Variants in ANKS1B observed in about 807,000 individuals in gnomAD.
The protein encoded by ANKS1B is ankyrin repeat and sterile alpha motif domain containing 1B.
Under a neutral mutation model 148.3 loss-of-function variants are expected in ANKS1B, and 36 were observed. The ratio of observed to expected loss-of-function variants is 0.24; its 90% confidence interval spans 0.19 to 0.32. The LOEUF is 0.32. ANKS1B is among the 10% of genes least tolerant of loss of function. The pLI, the probability that ANKS1B is intolerant of heterozygous loss-of-function variation, is 1.00. For synonymous variants in ANKS1B, 542 were observed against 560.8 expected (o/e 0.97, Z 0.47); for missense variants, 1,157 against 1,542.6 (o/e 0.75, Z 4.19).
chr12:99,563,140 CAA>C (rs1227224423), intron 9 of ANKS1B, among the ~76,000 whole-genome samples: 1 of 152,098 alleles, frequency 6.6e-6, no homozygotes, highest in Non-Finnish European at 1.5e-5. Context: ...ACCAGGAGAC[CAA>C]AACTTTATTC....
intron 11 of ANKS1B, among the ~76,000 whole-genome samples, chr12:99,430,839 G>T (rs74667305): frequency 3.9e-5 from 6 of 152,288 alleles, no homozygotes; most frequent in East Asian, 3.9e-4. Context: ...AGCATATTCA[G>T]TAACATATCT....
At chr12:98,783,812 G>C (rs2098761578) in intron 22 of ANKS1B, among the ~76,000 whole-genome samples, 2 of 152,172 alleles carry the variant, frequency 1.3e-5, no homozygotes, top group African/African-American at 4.8e-5. Flanking sequence ...TCACTAGAGA[G>C]TGACACAATC....
rs1253926113 is a variant in ANKS1B, at chr12:99,403,356, C to T, written c.1576-3545G>A. Among the ~76,000 whole-genome samples, 3 of 142,422 alleles carry T rather than the reference C, an allele frequency of 2.1e-5. 1 individual carries two copies. Among genetic ancestry groups the T allele is most frequent in the Non-Finnish European group, 4.6e-5 (3 of 65,126 alleles). 93.4% of individuals were successfully genotyped at this position (142,422 alleles called of 152,430 possible). A position where few individuals can be genotyped will look rare whatever the true frequency, so the allele number is the denominator to read the frequency against. ...CTTTTTAGTAGAGACGGGGTTTTGC[C>T]GTGTTGGTCAGGCTGGTCTTGAACT... is the stretch of plus-strand genomic sequence containing the variant. On this transcript the variant is annotated intron_variant, in intron 11 of 26. Coordinates refer to ENST00000683438, the MANE Select transcript of ANKS1B (RefSeq NM_001352186.2).
chr12:99,798,423 T>TA (rs61020616), intron 4 of ANKS1B, among the ~76,000 whole-genome samples: 13,250 of 78,448 alleles, frequency 0.17, 748 homozygotes, highest in Admixed American at 0.24. Context: ...CTCTTGGAAT[T>TA]AAAAAAAAAA....
At chr12:99,633,771 A>C (rs1396793051) in intron 9 of ANKS1B, among the ~76,000 whole-genome samples, 1 of 152,206 alleles carries the variant, frequency 6.6e-6, no homozygotes, top group Non-Finnish European at 1.5e-5. Flanking sequence ...ATCTACAAAG[A>C]ACTCAAACAA....
At chr12:99,763,265 A>G (rs1372685461) in intron 8 of ANKS1B, among the ~76,000 whole-genome samples, 1 of 152,198 alleles carries the variant, frequency 6.6e-6, no homozygotes, top group Non-Finnish European at 1.5e-5. Context: ...GGTGGACTAG[A>G]TAAAGAAAAC....
intron 14 of ANKS1B, among the ~76,000 whole-genome samples, chr12:99,188,894 A>G (rs2080258194): frequency 6.6e-6 from 1 of 152,188 alleles, no homozygotes. Context: ...TCGAAAAATC[A>G]ATGAATCCAG....
At chr12:99,758,910 C>A (rs954696959) in intron 8 of ANKS1B, among the ~76,000 whole-genome samples, 1 of 151,778 alleles carries the variant, frequency 6.6e-6, no homozygotes, top group Non-Finnish European at 1.5e-5. Context: ...AAAAGGAAAT[C>A]TTTCAAAGCT....
chr12:99,616,259 T>C (rs1341002311), intron 9 of ANKS1B, among the ~76,000 whole-genome samples: 1 of 152,090 alleles, frequency 6.6e-6, no homozygotes, highest in African/African-American at 2.4e-5. Flanking sequence ...CAAGCTACCA[T>C]TGAATTTCTT....
chr12:99,104,783 C>G (rs575647889), intron 15 of ANKS1B: 1 of 152,238 alleles, frequency 6.6e-6, no homozygotes, highest in Non-Finnish European at 1.5e-5. Context: ...CTCACTTTGA[C>G]CTTCCTAGTT....
At position 99,491,177 on chromosome 12, in the gene ANKS1B, T is replaced by C. The variant is rs138598076; in HGVS notation, c.1438+13299A>G. 2.6e-3 allele frequency among the ~76,000 whole-genome samples: 403 copies of C among 152,144 alleles called. 6 individuals are homozygous for C. In the East Asian group the frequency reaches 0.051, roughly 19 times the overall value. ...AAAATTAGCTGGGCGCAGTGGTGGG[T>C]GCCTGTAGTCCCAGCTACTGGGGAG... On this transcript the variant is annotated intron_variant, in intron 10 of 26. Coordinates refer to ENST00000683438, the MANE Select transcript of ANKS1B (RefSeq NM_001352186.2).
chr12:99,452,466 C>G (rs2095759582), intron 10 of ANKS1B, among the ~76,000 whole-genome samples: 1 of 152,054 alleles, frequency 6.6e-6, no homozygotes, highest in South Asian at 2.1e-4. Context: ...TATCTAACAC[C>G]AGGGCAGTCC....
chr12:99,023,138 T>G (rs1301374788), intron 17 of ANKS1B, among the ~76,000 whole-genome samples: 2 of 152,180 alleles, frequency 1.3e-5, no homozygotes, highest in African/African-American at 4.8e-5. Context: ...ATACCAATGT[T>G]TGCTATACTG....
chr12:99,847,940 A>C (rs890473875), intron 1 of ANKS1B, among the ~76,000 whole-genome samples: 1 of 152,030 alleles, frequency 6.6e-6, no homozygotes, highest in African/African-American at 2.4e-5. Context: ...GGACAGGGAA[A>C]CATTAGACTG....
intron 24 of ANKS1B, among the ~76,000 whole-genome samples, chr12:98,779,050 T>A (rs1328098633): frequency 6.6e-6 from 1 of 152,236 alleles, no homozygotes; most frequent in African/African-American, 2.4e-5. Context: ...ATAGGCACTT[T>A]GCCTTTGCTC....
At chr12:99,592,272 T>C (rs923472148) in intron 9 of ANKS1B, among the ~76,000 whole-genome samples, 1 of 152,160 alleles carries the variant, frequency 6.6e-6, no homozygotes, top group African/African-American at 2.4e-5. Context: ...GCTACAAACA[T>C]GTTAATATGA....
rs914187939 is a variant in ANKS1B at position 99,345,028 on chromosome 12, C to T, written c.1756+54603G>A. Reference sequence around the variant, plus strand: ...GACATTTGTCGGCTTTGGACCATGTCCTTTCCAATTCTGAAAAAGACAACC... The same window carrying T: ...GACATTTGTCGGCTTTGGACCATGTTCTTTCCAATTCTGAAAAAGACAACC... On this transcript the variant is annotated intron_variant, in intron 12 of 26. Transcript: ENST00000683438. The T allele has an allele frequency of 7.2e-5, 11 of 152,138 alleles. No individual in the cohort carries two copies. The East Asian group carries it at 1.2e-3, about 16-fold the overall frequency. 9.4% of individuals were successfully genotyped at this position (152,138 alleles called of 1,614,324 possible).
chr12:98,970,861 A>G (rs1236279169), intron 17 of ANKS1B, among the ~76,000 whole-genome samples: 2 of 152,192 alleles, frequency 1.3e-5, no homozygotes, highest in African/African-American at 2.4e-5. Flanking sequence ...TTTAAAGTCT[A>G]TGGGCCTCCA....
chr12:99,177,676 C>T (rs759175755), intron 14 of ANKS1B, among the ~76,000 whole-genome samples: 2 of 152,228 alleles, frequency 1.3e-5, no homozygotes, highest in Non-Finnish European at 2.9e-5. Flanking sequence ...TCTAGGCTGT[C>T]TCATCAGCTG....
Sources: gnomAD v4.1 joint callset for allele counts (sites outside exome capture counted in the v4.1 genomes callset) on GRCh38, gnomAD v4.1.1 for gene constraint, MANE v1.5 for transcripts, NCBI Gene and HGNC (gene_info 2026-07-23, HGNC 2026-07-21) for gene names.